Variants in PRR14L observed in about 807,000 individuals in gnomAD.
PRR14L encodes the protein proline rich 14 like, also known as protein PRR14L.
Under a neutral mutation model 155.0 loss-of-function variants are expected in PRR14L, and 80 were observed. The observed-to-expected ratio is 0.52, with a 90% CI of 0.43 to 0.62. The LOEUF is 0.62. Ranked by LOEUF, PRR14L falls within the 20% of genes least tolerant of loss-of-function variation. PRR14L has a pLI of 0.00. For synonymous variants in PRR14L, 883 were observed against 916.0 expected (o/e 0.96, Z 0.65); for missense variants, 2,469 against 2,548.0 (o/e 0.97, Z 0.67).
intron 2 of PRR14L, among the ~76,000 whole-genome samples, chr22:31,733,276 T>G (rs1052356537): frequency 6.8e-6 from 1 of 147,634 alleles, no homozygotes; most frequent in Non-Finnish European, 1.5e-5. Context: ...ATCACAGGTG[T>G]GAGCCACCGC....
chr22:31,693,568 T>C (rs2074521390), intron 7 of PRR14L, among the ~76,000 whole-genome samples: 1 of 152,238 alleles, frequency 6.6e-6, no homozygotes. Flanking sequence ...TGTTTTCAAC[T>C]CATTTGGGTA....
rs2147847954 is a variant in PRR14L, at chr22:31,681,921, G to A, written c.*3606C>T. 1 of 152,242 alleles carries A rather than the reference G, an allele frequency of 6.6e-6. No individual in the cohort carries two copies. The highest frequency in any genetic ancestry group is 1.9e-4 in the East Asian group (1 of 5,176). The allele number at this position is 152,242 out of a possible 1,614,324, so 9.4% of individuals were successfully genotyped here. A position where few individuals can be genotyped will look rare whatever the true frequency, so the allele number is the denominator to read the frequency against. On this transcript the variant is annotated 3_prime_UTR_variant, in exon 9 of 9. Transcript: ENST00000327423. ...TGGTTATTTAAGAAGTCCTTTCCAT[G>A]ACACCAGGGGAAAAGCTTACAGAAA...
Position 31,739,023 on chromosome 22 carries a change from A to C in PRR14L, c.-51-112T>G, listed in dbSNP as rs902779249. On this transcript the variant is annotated intron_variant, in intron 1 of 8. Coordinates refer to ENST00000327423, the MANE Select transcript of PRR14L (RefSeq NM_173566.3). ...GAAAATAAGTTCTACTTTAAATGCC[A>C]GCATTATCTGGCACCAAAAATTTCT... 1.6e-5 allele frequency: 9 copies of C among 552,030 alleles called. No homozygotes were observed. The African/African-American group carries it at 1.7e-4, about 10-fold the overall frequency. The allele number at this position is 552,030 out of a possible 1,614,324, so 34.2% of individuals were successfully genotyped here. A position where few individuals can be genotyped will look rare whatever the true frequency, so the allele number is the denominator to read the frequency against.
At chr22:31,696,842 C>T (rs756367807) in intron 7 of PRR14L, among the ~76,000 whole-genome samples, 9 of 152,048 alleles carry the variant, frequency 5.9e-5, no homozygotes, top group Non-Finnish European at 1.2e-4. Context: ...GGGCTGAGCA[C>T]GGTGGCTCAT....
At chr22:31,743,823 G>A (rs1404456024) in intron 1 of PRR14L, among the ~76,000 whole-genome samples, 4 of 150,752 alleles carry the variant, frequency 2.7e-5, no homozygotes, top group Non-Finnish European at 3.0e-5. Flanking sequence ...AAAAGAACCT[G>A]ACCTTGACCC....
chr22:31,737,422 A>G (rs1279242379), intron 2 of PRR14L, among the ~76,000 whole-genome samples: 2 of 151,934 alleles, frequency 1.3e-5, no homozygotes, highest in African/African-American at 4.8e-5. Flanking sequence ...CAGAGGTTGC[A>G]GTGAGCCGAG....
chr22:31,686,913 C>T (rs1450649427), intron 8 of PRR14L, among the ~76,000 whole-genome samples: 1 of 152,218 alleles, frequency 6.6e-6, no homozygotes, highest in Non-Finnish European at 1.5e-5. Flanking sequence ...GAATTGAATT[C>T]AGACCTAAGT....
chr22:31,716,274 C>T lies in PRR14L; in HGVS notation c.1565G>A (p.Gly522Glu). The T allele has an allele frequency of 6.4e-7, 1 of 1,551,594 alleles. No homozygotes were observed. The highest frequency in any genetic ancestry group is 8.7e-7 in the Non-Finnish European group (1 of 1,146,946). The stretch of plus-strand genomic sequence containing the variant: ...ATTGGGCTCTACAGGGGTTGTCTGT[C>T]CTGCCTCTTCAATCTGCATCAAGGA... ...FSSLMQIEEA[G>E]QTTPVEPNIL... The change falls in exon 4 of 9, where the codon GGA becomes GAA. Residue 522 changes from glycine to glutamate, a missense_variant. By Grantham distance (98) the Gly-to-Glu change is moderately conservative. Around this residue, in one of 2 missense-constraint regions of PRR14L, gnomAD observed 2,363 missense variants for 2,371.6 expected, o/e 1.00. Coordinates refer to ENST00000327423, the MANE Select transcript of PRR14L (RefSeq NM_173566.3).
chr22:31,704,471 G>T, intron 5 of PRR14L, 184 bp downstream of exon 5: 1 of 432,780 alleles, frequency 2.3e-6, no homozygotes, highest in Non-Finnish European at 4.2e-6. Flanking sequence ...CACATTCCTA[G>T]TTGCTGCTTG....
chr22:31,716,233 A>C lies in PRR14L; in HGVS notation c.1606T>G (p.Phe536Val). 6.4e-7 allele frequency: 1 copy of C among 1,551,568 alleles called. No homozygotes were observed. The highest frequency in any genetic ancestry group is 8.7e-7 in the Non-Finnish European group (1 of 1,146,898). The change falls in exon 4 of 9, where the codon TTT becomes GTT. Residue 536 changes from phenylalanine to valine, a missense_variant. By Grantham distance (50) the Phe-to-Val change is conservative. This residue lies in a region of PRR14L where 2,363 missense variants were observed against 2,371.6 expected (regional missense o/e 1.00). Coordinates refer to ENST00000327423, the MANE Select transcript of PRR14L (RefSeq NM_173566.3). ...PVEPNILSKS[F>V]YTKDCNSLVS... is the part of the protein sequence containing the mutation. ...AAGGAGTTACAGTCTTTAGTGTAAA[A>C]AGATTTACTTAATATATTGGGCTCT...
At chr22:31,735,042 C>CA (rs1459765847) in intron 2 of PRR14L, among the ~76,000 whole-genome samples, 1 of 152,114 alleles carries the variant, frequency 6.6e-6, no homozygotes, top group Non-Finnish European at 1.5e-5. Context: ...AAACTGAGTA[C>CA]AAAATGTTAA....
At chr22:31,739,370 T>C (rs1365859487) in intron 1 of PRR14L, among the ~76,000 whole-genome samples, 1 of 152,226 alleles carries the variant, frequency 6.6e-6, no homozygotes, top group Admixed American at 6.5e-5. Flanking sequence ...TGAGGAACTC[T>C]GGAAAATTTC....
At chr22:31,723,743 T>C (rs944302930) in intron 3 of PRR14L, among the ~76,000 whole-genome samples, 5 of 152,154 alleles carry the variant, frequency 3.3e-5, no homozygotes, top group African/African-American at 1.2e-4. Context: ...CTGGGACAAA[T>C]GTCCTTTTTC....
chr22:31,692,119 C>T (rs776865683), intron 7 of PRR14L, among the ~76,000 whole-genome samples: 16 of 152,116 alleles, frequency 1.1e-4, no homozygotes, highest in South Asian at 2.1e-4. Context: ...CTGCCCACCT[C>T]GGCCTCCCAA....
At chr22:31,696,723 CT>C (rs940768521) in intron 7 of PRR14L, among the ~76,000 whole-genome samples, 9 of 152,182 alleles carry the variant, frequency 5.9e-5, no homozygotes, top group African/African-American at 2.2e-4. Context: ...TTGCTAAGCC[CT>C]TTCCAGTGAT....
intron 3 of PRR14L, among the ~76,000 whole-genome samples, chr22:31,723,959 T>A (rs538731916): frequency 2.0e-5 from 3 of 152,236 alleles, no homozygotes; most frequent in Non-Finnish European, 4.4e-5. Context: ...CAAAGCTTCA[T>A]CTGCATTTAC....
In PRR14L at chr22:31,715,087, T is replaced by TA; in HGVS notation, c.2751dup (p.Lys918Ter). On this transcript the variant is annotated frameshift_variant, in exon 4 of 9. Transcript: ENST00000327423. LOFTEE classifies it high-confidence loss of function. ...ATAGCATGATCAGAGATGTTATACT[T>TA]ACAAAATACAGTTTCTTTGGATACA... 6.4e-7 allele frequency: 1 copy of TA among 1,551,788 alleles called. No homozygotes were observed. The highest frequency in any genetic ancestry group is 8.7e-7 in the Non-Finnish European group (1 of 1,146,938).
Position 31,703,572 on chromosome 22 carries a change from C to A in PRR14L, c.5978G>T (p.Ser1993Ile). The A allele has an allele frequency of 6.2e-7, 1 of 1,613,368 alleles. No individual in the cohort carries two copies. Among genetic ancestry groups the A allele is most frequent in the Non-Finnish European group, 8.5e-7 (1 of 1,179,610 alleles). ...GVKAACPCPQ[S>I]SPPEQKEAEP... Reference sequence around the variant, plus strand: ...TACCTCTTTCTGTTCTGGGGGGCTGCTCTGTGGGCAGGGGCATGCTGCTTT... The same window carrying A: ...TACCTCTTTCTGTTCTGGGGGGCTGATCTGTGGGCAGGGGCATGCTGCTTT... Residue 1993 changes from serine (S) to isoleucine (I), a missense_variant, in exon 6 of 9, where the codon AGC becomes ATC. Ser to Ile is a moderately radical substitution (Grantham distance 142, BLOSUM62 -2). Transcript: ENST00000327423.
intron 2 of PRR14L, among the ~76,000 whole-genome samples, chr22:31,734,798 C>T (rs917805081): frequency 1.3e-5 from 2 of 152,230 alleles, no homozygotes; most frequent in African/African-American, 4.8e-5. Flanking sequence ...CTCTCACACA[C>T]ATGACAACAA....
Sources: gnomAD v4.1 joint callset for allele counts (sites outside exome capture counted in the v4.1 genomes callset) on GRCh38, gnomAD v4.1.1 for gene constraint, gnomAD v4.1.1 regional missense constraint, MANE v1.5 for transcripts, NCBI Gene and HGNC (gene_info 2026-07-23, HGNC 2026-07-21) for gene names.